Variants in CTNNA3 observed in about 807,000 individuals in gnomAD.
CTNNA3 encodes catenin alpha 3.
CTNNA3 carries 76 observed loss-of-function variants against 95.7 expected under a neutral mutation model. The ratio of observed to expected loss-of-function variants is 0.79; its 90% CI spans 0.66 to 0.96. The LOEUF (loss-of-function observed/expected upper bound fraction) is 0.96. CTNNA3 is among the 40% of genes least tolerant of loss of function. The probability of loss-of-function intolerance (pLI) is 0.00; values close to 1 mark genes in which losing one functional copy is unlikely to be tolerated. For missense variants in CTNNA3, 1,191 were observed against 1,089.8 expected (o/e 1.09, Z -1.31); for synonymous variants, 431 against 374.4 (o/e 1.15, Z -1.74).
chr10:67,661,737 C>T (rs1030333456), intron 1 of CTNNA3, among the ~76,000 whole-genome samples: 1 of 151,936 alleles, frequency 6.6e-6, no homozygotes, highest in Non-Finnish European at 1.5e-5. Context: ...ATTGAAAAGA[C>T]ATCTTACCAA....
rs114538782 is a variant in CTNNA3, at chr10:67,278,106, G to A, written c.580-58236C>T. On this transcript the variant is annotated intron_variant, in intron 5 of 17. Transcript: ENST00000433211. ...GAATCCTCTCTTGGGGTCTGGATTGGGACCCCTTTCCAGGAACAGGAGAAC... is the reference window on the plus strand; with the variant it reads ...GAATCCTCTCTTGGGGTCTGGATTGAGACCCCTTTCCAGGAACAGGAGAAC... 3.8e-3 allele frequency among the ~76,000 whole-genome samples: 571 copies of A among 152,164 alleles called. 1 individual carries two copies. Among genetic ancestry groups the A allele is most frequent in the African/African-American group, 0.013 (548 of 41,528 alleles).
At chr10:66,256,843 C>T (rs969968887) in intron 13 of CTNNA3, among the ~76,000 whole-genome samples, 5 of 152,122 alleles carry the variant, frequency 3.3e-5, no homozygotes, top group Admixed American at 2.6e-4. Flanking sequence ...ATGCTACTAA[C>T]AGAATGGGGA....
At chr10:67,188,641 T>A (rs1220849035) in intron 6 of CTNNA3, among the ~76,000 whole-genome samples, 1 of 152,116 alleles carries the variant, frequency 6.6e-6, no homozygotes, top group Non-Finnish European at 1.5e-5. Flanking sequence ...CCCACTACTG[T>A]GTATATATCC....
At chr10:67,539,003 G>A (rs1840576507) in intron 4 of CTNNA3, among the ~76,000 whole-genome samples, 2 of 152,084 alleles carry the variant, frequency 1.3e-5, no homozygotes, top group Non-Finnish European at 2.9e-5. Context: ...TTAAATACAT[G>A]TCTACATTTT....
chr10:66,950,142 T>C (rs552221664), intron 7 of CTNNA3, among the ~76,000 whole-genome samples: 1 of 152,324 alleles, frequency 6.6e-6, no homozygotes, highest in South Asian at 2.1e-4. Flanking sequence ...GCCTGGAACA[T>C]TGCTTTTTGA....
At chr10:66,863,431 G>A (rs1299177619) in intron 7 of CTNNA3, among the ~76,000 whole-genome samples, 1 of 152,038 alleles carries the variant, frequency 6.6e-6, no homozygotes, top group African/African-American at 2.4e-5. Flanking sequence ...ATCCAGGCAA[G>A]AGACAAATTT....
intron 12 of CTNNA3, among the ~76,000 whole-genome samples, chr10:66,377,665 C>T (rs548678808): frequency 6.7e-6 from 1 of 149,690 alleles, no homozygotes; most frequent in African/African-American, 2.5e-5. Flanking sequence ...AAAAAAAAAA[C>T]CCCTGTTACA....
intron 7 of CTNNA3, among the ~76,000 whole-genome samples, chr10:67,023,998 T>A (rs2133083086): frequency 6.6e-6 from 1 of 152,338 alleles, no homozygotes; most frequent in South Asian, 2.1e-4. Flanking sequence ...TTCCTCTTGC[T>A]GCTATAACAT....
At chr10:66,024,907 AAG>A (rs1485146438) in intron 15 of CTNNA3, among the ~76,000 whole-genome samples, 1 of 152,212 alleles carries the variant, frequency 6.6e-6, no homozygotes, top group African/African-American at 2.4e-5. Context: ...AGCTGGAAGA[AAG>A]GGGCTGCTGA....
chr10:66,073,773 A>G (rs1267849077), intron 14 of CTNNA3, among the ~76,000 whole-genome samples: 1 of 151,998 alleles, frequency 6.6e-6, no homozygotes, highest in Non-Finnish European at 1.5e-5. Context: ...GAATTGTGCA[A>G]TCCTTCATCT....
intron 5 of CTNNA3, among the ~76,000 whole-genome samples, chr10:67,504,037 G>C (rs376734936): frequency 5.2e-4 from 79 of 151,392 alleles, no homozygotes; most frequent in Admixed American, 1.2e-3. Context: ...GGTGCCTGTA[G>C]TCCCAGCTAC....
intron 7 of CTNNA3, among the ~76,000 whole-genome samples, chr10:66,788,044 T>C (rs1840816747): frequency 6.6e-6 from 1 of 152,212 alleles, no homozygotes; most frequent in African/African-American, 2.4e-5. Context: ...TTCTTCATCT[T>C]AGGTTTACAA....
chr10:66,200,237 A>AGGGAG (rs2087309492), intron 13 of CTNNA3, among the ~76,000 whole-genome samples: 2 of 139,508 alleles, frequency 1.4e-5, no homozygotes, highest in African/African-American at 5.2e-5. Flanking sequence ...AGGTAAGGGA[A>AGGGAG]GGGAGGGGAG....
At chr10:67,071,646 C>T (rs996939278) in intron 7 of CTNNA3, among the ~76,000 whole-genome samples, 1 of 152,004 alleles carries the variant, frequency 6.6e-6, no homozygotes, top group East Asian at 1.9e-4. Context: ...TTGTGTGTGG[C>T]GGTCTTTCCA....
At chr10:66,042,709 GC>G (rs2079721665) in intron 15 of CTNNA3, among the ~76,000 whole-genome samples, 1 of 151,618 alleles carries the variant, frequency 6.6e-6, no homozygotes, top group Admixed American at 6.6e-5. Context: ...AGACCAGCCT[GC>G]CCAATATGGT....
chr10:66,786,985 G>A (rs1840772091), intron 7 of CTNNA3, among the ~76,000 whole-genome samples: 1 of 152,120 alleles, frequency 6.6e-6, no homozygotes, highest in Non-Finnish European at 1.5e-5. Context: ...AATTCACAAT[G>A]CAACTTCAAA....
intron 11 of CTNNA3, among the ~76,000 whole-genome samples, chr10:66,404,079 A>AT (rs916501761): frequency 2.6e-5 from 4 of 151,324 alleles, no homozygotes; most frequent in African/African-American, 7.3e-5. Context: ...AGAACCTCAG[A>AT]TTTTTTTTTC....
intron 5 of CTNNA3, among the ~76,000 whole-genome samples, chr10:67,320,296 T>C (rs1299294403): frequency 1.3e-5 from 2 of 152,104 alleles, no homozygotes; most frequent in Non-Finnish European, 2.9e-5. Context: ...AAGCCAACTC[T>C]GAGAACAGAG....
intron 5 of CTNNA3, among the ~76,000 whole-genome samples, chr10:67,453,226 A>G (rs1215121376): frequency 1.3e-4 from 20 of 152,204 alleles, no homozygotes; most frequent in Admixed American, 1.2e-3. Context: ...CACATATGAA[A>G]GACATGAAAA....
Sources: allele counts gnomAD v4.1 joint callset (sites outside exome capture counted in the v4.1 genomes callset), GRCh38; gene constraint gnomAD v4.1.1; transcripts MANE v1.5; gene names NCBI Gene and HGNC (gene_info 2026-07-23, HGNC 2026-07-21).